Variants in CFAP46 observed in about 807,000 individuals in gnomAD.
CFAP46 encodes the protein cilia- and flagella-associated protein 46.
A neutral mutation model predicts 325.7 loss-of-function variants in CFAP46; 245 were observed. The observed-to-expected ratio is 0.75, with a 90% CI of 0.68 to 0.84. CFAP46 has a LOEUF of 0.84. Among genes scored for constraint, CFAP46 ranks in the 40% least tolerant of loss-of-function variants. CFAP46 has a pLI of 0.00. For synonymous variants in CFAP46, 1,523 were observed against 1,495.9 expected (o/e 1.02, Z -0.42); for missense variants, 3,346 against 3,543.0 (o/e 0.94, Z 1.41).
chr10:132,930,213 C>T (rs1009557099), intron 8 of CFAP46, among the ~76,000 whole-genome samples: 14 of 152,086 alleles, frequency 9.2e-5, no homozygotes, highest in Non-Finnish European at 1.6e-4. Context: ...AGGGAAGAGG[C>T]AGGTTCCTCT....
intron 1 of CFAP46, 61 bp downstream of exon 1, chr10:132,942,375 G>C: frequency 7.4e-7 from 1 of 1,342,826 alleles, no homozygotes; most frequent in Non-Finnish European, 9.6e-7. Context: ...TCCCCGGGGC[G>C]GGGGTCGTGG....
intron 10 of CFAP46, 145 bp downstream of exon 10, chr10:132,926,423 G>A (rs972359443): frequency 7.7e-6 from 5 of 649,880 alleles, no homozygotes; most frequent in Non-Finnish European, 1.4e-5. Flanking sequence ...ACTCACACCC[G>A]CTGTCACGGG....
Position 132,885,239 on chromosome 10 carries a change from T to C in CFAP46, c.3491A>G (p.Asn1164Ser), listed in dbSNP as rs752648508. The C allele has an allele frequency of 1.8e-4, 276 of 1,550,260 alleles. 1 individual carries two copies. Among genetic ancestry groups the C allele is most frequent in the Non-Finnish European group, 6.5e-5 (75 of 1,146,876 alleles). The change falls in exon 27 of 58, where the codon AAT becomes AGT. Residue 1164 changes from asparagine to serine, a missense_variant. Transcript: ENST00000368586. The part of the protein sequence containing the change: ...MVIVKAKLGQ[N>S]FSMEIQKFKA... ...GAATTTCTGTATTTCCATCGAAAAATTCTGCCCGAGCTTGGCCTTCACGAT... is the reference window on the plus strand; with the variant it reads ...GAATTTCTGTATTTCCATCGAAAAACTCTGCCCGAGCTTGGCCTTCACGAT...
In CFAP46 at chr10:132,914,754, G is replaced by C. The variant is rs1480021182; in HGVS notation, c.2121-1496C>G. Among the ~76,000 whole-genome samples, 410 of 49,892 alleles carry C rather than the reference G, an allele frequency of 8.2e-3. 3 individuals carry two copies. The highest frequency in any genetic ancestry group is 0.02 in the East Asian group (31 of 1,520). 32.7% of individuals were successfully genotyped at this position (49,892 alleles called of 152,430 possible). A position where few individuals can be genotyped will look rare whatever the true frequency, so the allele number is the denominator to read the frequency against. The stretch of plus-strand genomic sequence containing the variant: ...CTGTGTCCAGCCACACTGCACCCCG[G>C]CCCGAGGCTGTGTCCAGCCACACTG... On this transcript the variant is annotated intron_variant, in intron 17 of 57. Transcript: ENST00000368586.
rs1235819665 is a variant in CFAP46 at position 132,834,136 on chromosome 10, T to C, written c.6867-13A>G. 1 of 1,613,344 alleles carries C rather than the reference T, an allele frequency of 6.2e-7. No individual in the cohort carries two copies. The highest frequency in any genetic ancestry group is 1.3e-5 in the African/African-American group (1 of 74,922). On this transcript the variant is annotated splice_polypyrimidine_tract_variant and intron_variant, in intron 48 of 57. Transcript: ENST00000368586. ...AGGTGTCTGCACTCTGAAAGTCAGG[T>C]TATATATTCGGGTTTAAGAAACAGA... is the stretch of plus-strand genomic sequence containing the variant.
rs1045207333 is a variant in CFAP46, at chr10:132,851,006, G to C, written c.5763+111C>G. On this transcript the variant is annotated intron_variant, in intron 40 of 57. Transcript: ENST00000368586. ...GCTGCAAGAGGTCCCCAGCTGACCCGCACCGCCAGGTGCACAGTGGTGGAG... is the reference window on the plus strand; with the variant it reads ...GCTGCAAGAGGTCCCCAGCTGACCCCCACCGCCAGGTGCACAGTGGTGGAG... 2.9e-5 allele frequency: 39 copies of C among 1,324,002 alleles called. No individual in the cohort carries two copies. In the African/African-American group the frequency reaches 4.6e-4, roughly 15 times the overall value. The allele number at this position is 1,324,002 out of a possible 1,614,324, so 82.0% of individuals were successfully genotyped here.
In CFAP46 at chr10:132,817,588, T is replaced by C. The variant is rs1298819757; in HGVS notation, c.7118-2674A>G. 2.6e-5 allele frequency among the ~76,000 whole-genome samples: 4 copies of C among 152,180 alleles called. No homozygotes were observed. Among genetic ancestry groups the C allele is most frequent in the African/African-American group, 9.7e-5 (4 of 41,448 alleles). On this transcript the variant is annotated intron_variant, in intron 50 of 57. Transcript: ENST00000368586. This position sits in a 1 kb window ranked among gnomAD's most constrained non-coding sequence, Gnocchi z 4.4. ...CCTCATTCATTCTTCCTTCTCTATT[T>C]GTTGGGAGTTTGCACACCGACTCTC... is the stretch of plus-strand genomic sequence containing the variant.
intron 35 of CFAP46, 112 bp downstream of exon 35, chr10:132,865,913 G>A: frequency 9.2e-7 from 1 of 1,085,402 alleles, no homozygotes; most frequent in Non-Finnish European, 1.2e-6. Context: ...AGAGGCACGT[G>A]GCCCTGCTAG....
chr10:132,827,784 GC>G lies in CFAP46; in HGVS notation c.7117+5573del, dbSNP rs1376239849. On this transcript the variant is annotated intron_variant, in intron 50 of 57. Transcript: ENST00000368586. The surrounding 1 kb of genome is among the most constrained non-coding windows in gnomAD (Gnocchi z 5.7). ...TCCCCCAACTTCTCCTGCAGCCCCAGCCCCCACCCCCAGGAAGCAACTTACC... is the reference window on the plus strand; with the variant it reads ...TCCCCCAACTTCTCCTGCAGCCCCAGCCCCACCCCCAGGAAGCAACTTACC... 7.3e-6 allele frequency among the ~76,000 whole-genome samples: 1 copy of G among 136,958 alleles called. No homozygotes were observed. Among genetic ancestry groups the G allele is most frequent in the East Asian group, 2.1e-4 (1 of 4,760 alleles). The allele number at this position is 136,958 out of a possible 152,430, so 89.8% of individuals were successfully genotyped here. A position where few individuals can be genotyped will look rare whatever the true frequency, so the allele number is the denominator to read the frequency against.
chr10:132,914,752 C>T (rs1489287165), intron 17 of CFAP46, among the ~76,000 whole-genome samples: 4 of 49,422 alleles, frequency 8.1e-5, no homozygotes, highest in Admixed American at 1.9e-4. Flanking sequence ...CACTGCACCC[C>T]GGCCCGAGGC....
At chr10:132,868,644 G>T (rs58005513) in intron 33 of CFAP46, among the ~76,000 whole-genome samples, 13,239 of 152,158 alleles carry the variant, frequency 0.087, 1,523 homozygotes, top group African/African-American at 0.27. Context: ...ATATGAACAG[G>T]GTTATGCTGA....
rs372532062 is a variant in CFAP46, at chr10:132,938,573, G to C, written c.536+16C>G. ...CCCACCGGGAGGCCACAGAGGGCAC[G>C]GCGAGCTCAACTCACAGCATCAGCT... On this transcript the variant is annotated intron_variant, in intron 5 of 57. Coordinates refer to ENST00000368586, the MANE Select transcript of CFAP46 (RefSeq NM_001200049.3). 2 of 1,610,272 alleles carry C rather than the reference G, an allele frequency of 1.2e-6. No individual in the cohort carries two copies. The highest frequency in any genetic ancestry group is 1.7e-6 in the Non-Finnish European group (2 of 1,178,606).
intron 50 of CFAP46, among the ~76,000 whole-genome samples, chr10:132,818,417 AC>A (rs1275496523): frequency 6.6e-6 from 1 of 151,848 alleles, no homozygotes; most frequent in East Asian, 1.9e-4. Flanking sequence ...GATTTTAAAA[AC>A]CCCGAACACA....
In CFAP46 at chr10:132,912,704, T is replaced by C; in HGVS notation, c.2450A>G (p.His817Arg). The change falls in exon 19 of 58, where the codon CAC (histidine) becomes CGC (arginine). Residue 817 changes from histidine (H) to arginine (R), a missense_variant. His to Arg is a conservative substitution (Grantham distance 29). Transcript: ENST00000368586. ...SRKFMRPNAF[H>R]SPLDAGATSE... Reference sequence around the variant, plus strand: ...AGTGGCTCCTGCGTCCAGTGGGCTGTGAAACGCGTTTGGTCGCATGAATTT... The same window carrying C: ...AGTGGCTCCTGCGTCCAGTGGGCTGCGAAACGCGTTTGGTCGCATGAATTT... 6.5e-7 allele frequency: 1 copy of C among 1,550,164 alleles called. No individual in the cohort carries two copies. Among genetic ancestry groups the C allele is most frequent in the South Asian group, 1.2e-5 (1 of 84,058 alleles).
intron 50 of CFAP46, among the ~76,000 whole-genome samples, chr10:132,821,091 ATGTGTGCTTTG>A (rs1382283139): frequency 0.011 from 657 of 61,680 alleles, 11 homozygotes; most frequent in South Asian, 0.021. Flanking sequence ...GTGTGTGCTG[ATGTGTGCTTTG>A]TGTGTGCTGA....
chr10:132,850,839 T>C (rs186545157), intron 40 of CFAP46, among the ~76,000 whole-genome samples: 1 of 152,240 alleles, frequency 6.6e-6, no homozygotes, highest in African/African-American at 2.4e-5. Context: ...CATTAATTAT[T>C]AATACGAATT....
intron 10 of CFAP46, 50 bp downstream of exon 10, chr10:132,926,518 A>T (rs1441243364): frequency 3.7e-6 from 5 of 1,354,402 alleles, no homozygotes; most frequent in Non-Finnish European, 4.1e-6. Flanking sequence ...ACCAAGCTCC[A>T]GGAATCTGCA....
chr10:132,810,510 C>T (rs1473582889), intron 56 of CFAP46, 21 bp from the exon 57 acceptor site: 13 of 1,597,820 alleles, frequency 8.1e-6, no homozygotes, highest in Middle Eastern at 1.7e-4. Context: ...AACGTCCCCT[C>T]AGGAGGGCAT....
At position 132,919,825 on chromosome 10, in the gene CFAP46, G is replaced by A. The variant is rs141447677; in HGVS notation, c.1730+234C>T. On this transcript the variant is annotated intron_variant, in intron 14 of 57. Coordinates refer to ENST00000368586, the MANE Select transcript of CFAP46 (RefSeq NM_001200049.3). This position sits in a 1 kb window ranked among gnomAD's most constrained non-coding sequence, Gnocchi z 9.7. ...CCTCCGAGTGACAGCAGTGACAGGC[G>A]GGACAGGGCAGCCGCACACCTCATA... is the stretch of plus-strand genomic sequence containing the variant. 1.5e-4 allele frequency among the ~76,000 whole-genome samples: 23 copies of A among 152,226 alleles called. No individual in the cohort carries two copies. In the East Asian group the frequency reaches 2.7e-3, roughly 18 times the overall value.
Sources: gnomAD v4.1 joint callset for allele counts (sites outside exome capture counted in the v4.1 genomes callset) on GRCh38, gnomAD v4.1.1 for gene constraint, Gnocchi (gnomAD v3.1) non-coding constraint, MANE v1.5 for transcripts, NCBI Gene and HGNC (gene_info 2026-07-23, HGNC 2026-07-21) for gene names.